The following FCRL5 variants were observed in gnomAD, a reference collection of about 807,000 sequenced individuals.
FCRL5 encodes the protein Fc receptor-like protein 5.
Under a neutral mutation model 92.1 loss-of-function variants are expected in FCRL5, and 79 were observed. The observed-to-expected ratio is 0.86, with a 90% CI of 0.72 to 1.03. The LOEUF is 1.03. FCRL5 is among the 50% of genes least tolerant of loss of function. FCRL5 has a pLI of 0.00. For synonymous variants in FCRL5, 466 were observed against 469.3 expected (o/e 0.99, Z 0.09); for missense variants, 1,160 against 1,181.1 (o/e 0.98, Z 0.26).
intron 7 of FCRL5, among the ~76,000 whole-genome samples, chr1:157,538,663 A>G (rs565004282): frequency 5.9e-5 from 9 of 152,310 alleles, no homozygotes; most frequent in African/African-American, 2.2e-4. Context: ...GTCTTACATG[A>G]CTTTGCATCT....
intron 8 of FCRL5, chr1:157,532,118 C>T (rs181837818): frequency 2.3e-4 from 35 of 152,180 alleles, no homozygotes; most frequent in Non-Finnish European, 3.4e-4. Flanking sequence ...TCAATTAAGA[C>T]GAAAAGGTTG....
chr1:157,530,846 TAGAC>T (rs1245533993), intron 8 of FCRL5, among the ~76,000 whole-genome samples: 1 of 152,240 alleles, frequency 6.6e-6, no homozygotes, highest in Non-Finnish European at 1.5e-5. Flanking sequence ...GATAAATTCT[TAGAC>T]ATGGAATTTC....
intron 15 of FCRL5, 135 bp from the exon 16 acceptor site, chr1:157,516,008 T>C: frequency 1.1e-6 from 1 of 942,292 alleles, no homozygotes; most frequent in East Asian, 2.6e-5. Flanking sequence ...TTCCTCTTAG[T>C]TGGTGCTCAC....
At chr1:157,542,629 G>T in intron 6 of FCRL5, 2 of 501,728 alleles carry the variant, frequency 4.0e-6, no homozygotes, top group Non-Finnish European at 7.0e-6. Context: ...GGAACCAGGG[G>T]ATAGAAAGCC....
intron 8 of FCRL5, among the ~76,000 whole-genome samples, chr1:157,531,409 G>T (rs1271323114): frequency 6.6e-6 from 1 of 152,154 alleles, no homozygotes; most frequent in African/African-American, 2.4e-5. Flanking sequence ...AAACAGCATG[G>T]AAGTTTCTCA....
At position 157,515,601 on chromosome 1, in the gene FCRL5, T is replaced by C; in HGVS notation, c.*74A>G. On this transcript the variant is annotated 3_prime_UTR_variant, in exon 17 of 17. Coordinates refer to ENST00000361835, the MANE Select transcript of FCRL5 (RefSeq NM_031281.3). Reference sequence around the variant, plus strand: ...TCTGGGGCAGCCTAAATCTTCCCACTTCAATGCTGCTTCTCCCCCAAGGGG... The same window carrying C: ...TCTGGGGCAGCCTAAATCTTCCCACCTCAATGCTGCTTCTCCCCCAAGGGG... 6.2e-7 allele frequency: 1 copy of C among 1,613,624 alleles called. No homozygotes were observed.
chr1:157,525,240 G>A (rs1268035496), intron 9 of FCRL5, among the ~76,000 whole-genome samples: 1 of 152,218 alleles, frequency 6.6e-6, no homozygotes, highest in Non-Finnish European at 1.5e-5. Context: ...GTATGTGTTA[G>A]TCAAGGAAAG....
At chr1:157,536,461 C>A (rs1650974449) in intron 7 of FCRL5, among the ~76,000 whole-genome samples, 1 of 152,194 alleles carries the variant, frequency 6.6e-6, no homozygotes, top group Non-Finnish European at 1.5e-5. Flanking sequence ...TGTTGGGCTC[C>A]CTCCTTCACG....
chr1:157,548,495 G>A (rs1651659614), intron 2 of FCRL5, among the ~76,000 whole-genome samples: 1 of 152,138 alleles, frequency 6.6e-6, no homozygotes, highest in South Asian at 2.1e-4. Context: ...GAGTGAACAG[G>A]CAACCTACAG....
At position 157,522,155 on chromosome 1, in the gene FCRL5, CAATT is replaced by C. The variant is rs1299455834; in HGVS notation, c.2240-867_2240-864del. ...TATTTCTAGAAGCATACACATGAAA[CAATT>C]AACAGTGGTTATGTCTGGAGAATAT... On this transcript the variant is annotated intron_variant, in intron 10 of 16. Transcript: ENST00000361835. The C allele has an allele frequency of 2.0e-5, 3 of 152,176 alleles. No individual in the cohort carries two copies. In the East Asian group the frequency reaches 5.8e-4, roughly 29 times the overall value. The allele number at this position is 152,176 out of a possible 1,614,324, so 9.4% of individuals were successfully genotyped here.
In FCRL5 at chr1:157,515,175, G is replaced by T; in HGVS notation, c.*500C>A. ...ACCCATCACATGTCCCATGTGCACA[G>T]GCTGTGTGCTGTCCCATTTGGCAGC... On this transcript the variant is annotated 3_prime_UTR_variant, in exon 17 of 17. Coordinates refer to ENST00000361835, the MANE Select transcript of FCRL5 (RefSeq NM_031281.3). 4.8e-6 allele frequency: 1 copy of T among 208,494 alleles called. No individual in the cohort carries two copies. The highest frequency in any genetic ancestry group is 9.5e-5 in the South Asian group (1 of 10,496). The allele number at this position is 208,494 out of a possible 1,614,324, so 12.9% of individuals were successfully genotyped here.
rs1651674038 is a variant in FCRL5 at position 157,548,771 on chromosome 1, A to G, written c.52+789T>C. On this transcript the variant is annotated intron_variant, in intron 2 of 16. Transcript: ENST00000361835. ...CACCAGTTAGAATGGCAATTATTAA[A>G]AAGTCAGGAAACAACAGGTGCTGGA... Among the ~76,000 whole-genome samples, 4 of 152,244 alleles carry G rather than the reference A, an allele frequency of 2.6e-5. 1 individual carries two copies. In the South Asian group the frequency reaches 8.3e-4, roughly 32 times the overall value.
chr1:157,515,382 A>G lies in FCRL5; in HGVS notation c.*293T>C. On this transcript the variant is annotated 3_prime_UTR_variant, in exon 17 of 17. Transcript: ENST00000361835. The stretch of plus-strand genomic sequence containing the variant: ...GGGGTGTGATGAGAGCAGTACTCAG[A>G]ACAGCAACCACAGCTGAAGCCCACT... 2.1e-6 allele frequency: 1 copy of G among 471,838 alleles called. No homozygotes were observed. Among genetic ancestry groups the G allele is most frequent in the Non-Finnish European group, 3.9e-6 (1 of 258,386 alleles). The allele number at this position is 471,838 out of a possible 1,614,324, so 29.2% of individuals were successfully genotyped here.
At chr1:157,539,060 G>T in intron 7 of FCRL5, 26 bp downstream of exon 7, 2 of 1,606,408 alleles carry the variant, frequency 1.2e-6, no homozygotes, top group South Asian at 1.1e-5. Context: ...CCAGGGGTGG[G>T]TGATTGGCAG....
chr1:157,526,567 G>A (rs1571083367), intron 9 of FCRL5, among the ~76,000 whole-genome samples: 1 of 152,278 alleles, frequency 6.6e-6, no homozygotes, highest in East Asian at 1.9e-4. Context: ...CAGTTACATA[G>A]CTTCTGAGAA....
intron 1 of FCRL5, 150 bp downstream of exon 1, chr1:157,552,182 G>T: frequency 1.4e-6 from 1 of 701,192 alleles, no homozygotes; most frequent in South Asian, 2.0e-5. Context: ...AGAAAGCCCT[G>T]AGCTACAGAG....
rs777857599 is a variant in FCRL5, at chr1:157,544,405, G to T, written c.701C>A (p.Thr234Asn). ...LRFRFFRDDQ[T>N]LGLGWSLSPN... ...GGAGAGACTCCAGCCTAATCCCAGG[G>T]TCTGGTCATCTCTGAAGAAGCGGAA... Residue 234 changes from threonine to asparagine, a missense_variant, in exon 5 of 17, where the codon ACC (threonine) becomes AAC (asparagine). Physicochemically the swap from Thr to Asn is moderately conservative, Grantham distance 65 (BLOSUM62 0). Coordinates refer to ENST00000361835, the MANE Select transcript of FCRL5 (RefSeq NM_031281.3). The T allele has an allele frequency of 6.2e-7, 1 of 1,614,214 alleles. No homozygotes were observed. Among genetic ancestry groups the T allele is most frequent in the East Asian group, 2.2e-5 (1 of 44,874 alleles).
chr1:157,520,837 C>G lies in FCRL5; in HGVS notation c.2515+180G>C, dbSNP rs139957598. On this transcript the variant is annotated intron_variant, in intron 11 of 16. Coordinates refer to ENST00000361835, the MANE Select transcript of FCRL5 (RefSeq NM_031281.3). ...CTTGCGCCCAGCCCGCCAACCCGCGCTCTCAGCCCCAACGCCATCACTTCA... is the reference window on the plus strand; with the variant it reads ...CTTGCGCCCAGCCCGCCAACCCGCGGTCTCAGCCCCAACGCCATCACTTCA... Among the ~76,000 whole-genome samples the G allele has an allele frequency of 5.1e-3, 778 of 152,356 alleles. 4 individuals are homozygous for G. Among genetic ancestry groups the G allele is most frequent in the African/African-American group, 0.018 (729 of 41,592 alleles).
intron 7 of FCRL5, among the ~76,000 whole-genome samples, chr1:157,538,516 G>C (rs1266462983): frequency 6.6e-6 from 1 of 152,220 alleles, no homozygotes; most frequent in Non-Finnish European, 1.5e-5. Flanking sequence ...CAAGCAAGTA[G>C]AGGTTAAGCT....
Sources: allele counts gnomAD v4.1 joint callset (sites outside exome capture counted in the v4.1 genomes callset), GRCh38; gene constraint gnomAD v4.1.1; transcripts MANE v1.5; gene names NCBI Gene and HGNC (gene_info 2026-07-23, HGNC 2026-07-21).